The following CSMD3 variants were observed in gnomAD, a reference collection of about 807,000 sequenced individuals.
The protein encoded by CSMD3 is CUB and sushi domain-containing protein 3.
CSMD3 carries 177 observed loss-of-function variants against 435.2 expected under a neutral mutation model. That is an observed-to-expected ratio of 0.41 (90% CI 0.36 to 0.46). The LOEUF (loss-of-function observed/expected upper bound fraction) is 0.46. Among genes scored for constraint, CSMD3 ranks in the 20% least tolerant of loss-of-function variants. The probability of loss-of-function intolerance (pLI) is 0.34; values close to 1 mark genes in which losing one functional copy is unlikely to be tolerated. For synonymous variants in CSMD3, 1,656 were observed against 1,520.5 expected (o/e 1.09, Z -2.07); for missense variants, 4,265 against 4,504.6 (o/e 0.95, Z 1.52).
At chr8:113,356,287 A>G (rs900153144) in intron 1 of CSMD3, among the ~76,000 whole-genome samples, 3 of 152,158 alleles carry the variant, frequency 2.0e-5, no homozygotes, top group African/African-American at 7.2e-5. Flanking sequence ...ATTAATGCAT[A>G]AAATGACCAC....
chr8:112,705,445 G>C (rs937623960), intron 13 of CSMD3, among the ~76,000 whole-genome samples: 2 of 152,000 alleles, frequency 1.3e-5, no homozygotes, highest in Non-Finnish European at 2.9e-5. Context: ...TGTCTAAAAA[G>C]TATATAAGCT....
At chr8:112,255,046 T>C (rs1262701274) in intron 62 of CSMD3, among the ~76,000 whole-genome samples, 1 of 152,164 alleles carries the variant, frequency 6.6e-6, no homozygotes, top group African/African-American at 2.4e-5. Flanking sequence ...CAAAATTCTT[T>C]CAAGTGTTTC....
At chr8:112,442,542 C>A (rs1815145091) in intron 32 of CSMD3, among the ~76,000 whole-genome samples, 1 of 152,082 alleles carries the variant, frequency 6.6e-6, no homozygotes, top group South Asian at 2.1e-4. Flanking sequence ...AGATATTTTT[C>A]TTTTACTTTT....
intron 13 of CSMD3, among the ~76,000 whole-genome samples, chr8:112,791,245 G>T (rs1401539850): frequency 6.8e-6 from 1 of 147,118 alleles, no homozygotes; most frequent in Non-Finnish European, 1.5e-5. Context: ...ATTACTTGAG[G>T]ATCACTTGAG....
intron 3 of CSMD3, among the ~76,000 whole-genome samples, chr8:113,236,312 G>A (rs2093148541): frequency 6.6e-6 from 1 of 152,152 alleles, no homozygotes; most frequent in Non-Finnish European, 1.5e-5. Flanking sequence ...CTCCCTTTGA[G>A]CAGCCCACTC....
At chr8:112,552,225 T>G (rs1214808867) in intron 26 of CSMD3, among the ~76,000 whole-genome samples, 1 of 151,398 alleles carries the variant, frequency 6.6e-6, no homozygotes, top group Non-Finnish European at 1.5e-5. Flanking sequence ...CCAGGTGTAG[T>G]GGCTCACACC....
intron 1 of CSMD3, among the ~76,000 whole-genome samples, chr8:113,405,094 C>G (rs904817125): frequency 6.6e-6 from 1 of 151,414 alleles, no homozygotes; most frequent in Non-Finnish European, 1.5e-5. Context: ...TTAACAATTT[C>G]ATAAAGCTAT....
intron 5 of CSMD3, among the ~76,000 whole-genome samples, chr8:113,096,237 C>A (rs1212949412): frequency 6.6e-6 from 1 of 152,080 alleles, no homozygotes; most frequent in Non-Finnish European, 1.5e-5. Context: ...AGCTCCACAT[C>A]ATCCCTCCAA....
intron 3 of CSMD3, among the ~76,000 whole-genome samples, chr8:113,276,809 G>C (rs937070149): frequency 7.9e-5 from 12 of 151,938 alleles, no homozygotes; most frequent in Non-Finnish European, 1.8e-4. Flanking sequence ...CCATCCTTCA[G>C]TACTATCTGA....
chr8:113,208,168 T>C (rs571064182), intron 3 of CSMD3, among the ~76,000 whole-genome samples: 1 of 152,340 alleles, frequency 6.6e-6, no homozygotes, highest in East Asian at 1.9e-4. Flanking sequence ...AGGAAAATTC[T>C]GTGCATTTCT....
At chr8:112,772,128 TAGA>T (rs1216619907) in intron 13 of CSMD3, among the ~76,000 whole-genome samples, 2 of 151,834 alleles carry the variant, frequency 1.3e-5, no homozygotes, top group Non-Finnish European at 2.9e-5. Flanking sequence ...GGGCTCAAGG[TAGA>T]AGGTTTCAAA....
chr8:112,953,023 A>G (rs529216941), intron 8 of CSMD3, among the ~76,000 whole-genome samples: 24 of 151,532 alleles, frequency 1.6e-4, no homozygotes, highest in African/African-American at 5.5e-4. Context: ...TGCCTTGATA[A>G]ATCCTAGATC....
At chr8:113,061,947 TAC>T (rs1421994468) in intron 5 of CSMD3, among the ~76,000 whole-genome samples, 3 of 151,836 alleles carry the variant, frequency 2.0e-5, no homozygotes, top group Non-Finnish European at 4.4e-5. Context: ...TAATTCATGA[TAC>T]ATAGTTTCTT....
intron 1 of CSMD3, among the ~76,000 whole-genome samples, chr8:113,374,818 TAAAAAAAAA>T (rs1215451792): frequency 7.1e-5 from 2 of 28,112 alleles, no homozygotes; most frequent in African/African-American, 1.2e-4. Flanking sequence ...TGTTAAAAAG[TAAAAAAAAA>T]AAAAAAAAAA....
At chr8:112,931,492 TAA>T (rs34728073) in intron 9 of CSMD3, among the ~76,000 whole-genome samples, 1 of 136,742 alleles carries the variant, frequency 7.3e-6, no homozygotes. Context: ...ATAAAACTAC[TAA>T]AAAAAAAAAA....
intron 13 of CSMD3, among the ~76,000 whole-genome samples, chr8:112,737,109 A>T (rs1367087570): frequency 6.6e-6 from 1 of 152,024 alleles, no homozygotes; most frequent in African/African-American, 2.4e-5. Context: ...AGGTACAAAT[A>T]ACTAATTGGA....
chr8:113,063,620 G>A (rs201681561), intron 5 of CSMD3, among the ~76,000 whole-genome samples: 3 of 151,780 alleles, frequency 2.0e-5, no homozygotes, highest in African/African-American at 7.2e-5. Context: ...TTAGTTACCC[G>A]CTGTTCTTAA....
chr8:113,254,561 A>G (rs1220757432), intron 3 of CSMD3, among the ~76,000 whole-genome samples: 1 of 152,224 alleles, frequency 6.6e-6, no homozygotes, highest in East Asian at 1.9e-4. Context: ...GAATGTATGT[A>G]AATCAGCCAT....
At chr8:112,357,021 A>T (rs1458670167) in intron 38 of CSMD3, among the ~76,000 whole-genome samples, 1 of 152,182 alleles carries the variant, frequency 6.6e-6, no homozygotes, top group Non-Finnish European at 1.5e-5. Flanking sequence ...TTGGAACTGG[A>T]TAACTGACAG....
Sources: gnomAD v4.1 joint callset for allele counts (sites outside exome capture counted in the v4.1 genomes callset) on GRCh38, gnomAD v4.1.1 for gene constraint, MANE v1.5 for transcripts, NCBI Gene and HGNC (gene_info 2026-07-23, HGNC 2026-07-21) for gene names.